OR10J1: variants seen among roughly 807,000 people sequenced by gnomAD.
OR10J1 encodes olfactory receptor 10J1.
For missense variants in OR10J1, 474 were observed against 376.6 expected (o/e 1.26, Z -2.14); for synonymous variants, 202 against 143.8 (o/e 1.40, Z -2.89).
upstream of OR10J1, among the ~76,000 whole-genome samples, chr1:159,437,385 A>G (rs898643028): frequency 6.6e-6 from 1 of 152,262 alleles, no homozygotes. Context: ...GTTCCTGCCT[A>G]TAAGCAAAAG....
At chr1:159,426,839 T>G in the OR10J1 span, among the ~76,000 whole-genome samples, 1 of 152,078 alleles carries the variant, frequency 6.6e-6, no homozygotes, top group Admixed American at 6.5e-5. Flanking sequence ...CAAAGATCTA[T>G]ATACATCATA....
At chr1:159,415,879 T>G in the OR10J1 span, among the ~76,000 whole-genome samples, 1 of 151,984 alleles carries the variant, frequency 6.6e-6, no homozygotes, top group Admixed American at 6.6e-5. Flanking sequence ...TTTATAGTTT[T>G]TCTTGCAAAG....
At chr1:159,432,261 T>G in the OR10J1 span, 1 of 400,956 alleles carries the variant, frequency 2.5e-6, no homozygotes, top group Non-Finnish European at 4.4e-6. Flanking sequence ...TTTCTCCATT[T>G]TTGAGTGGCA....
In OR10J1 at chr1:159,440,815, C is replaced by T; in HGVS notation, c.*94C>T. ...CAAACACTTGGCTCCTAGAGACCTGCCCCTTAAATAAGAGGCAAAAGAGGA... is the reference window on the plus strand; with the variant it reads ...CAAACACTTGGCTCCTAGAGACCTGTCCCTTAAATAAGAGGCAAAAGAGGA... On this transcript the variant is annotated 3_prime_UTR_variant, in exon 1 of 1. Transcript: ENST00000423932. 3 of 1,350,984 alleles carry T rather than the reference C, an allele frequency of 2.2e-6. No homozygotes were observed. The highest frequency in any genetic ancestry group is 1.5e-5 in the South Asian group (1 of 67,278). 83.7% of individuals were successfully genotyped at this position (1,350,984 alleles called of 1,614,324 possible).
At chr1:159,408,255 C>G in the OR10J1 span, among the ~76,000 whole-genome samples, 1 of 151,866 alleles carries the variant, frequency 6.6e-6, no homozygotes. Context: ...GAAAATGTGG[C>G]ACATATACAC....
chr1:159,422,548 G>A, the OR10J1 span, among the ~76,000 whole-genome samples: 2 of 152,134 alleles, frequency 1.3e-5, no homozygotes, highest in Admixed American at 1.3e-4. Flanking sequence ...GAGTAGCAGC[G>A]GTAGGTACAG....
the OR10J1 span, among the ~76,000 whole-genome samples, chr1:159,414,503 TA>T: frequency 3.9e-5 from 6 of 152,322 alleles, no homozygotes; most frequent in Admixed American, 3.3e-4. Flanking sequence ...GATGGCCACT[TA>T]GGTGAATTCC....
At chr1:159,413,064 G>A in the OR10J1 span, among the ~76,000 whole-genome samples, 1 of 152,222 alleles carries the variant, frequency 6.6e-6, no homozygotes, top group African/African-American at 2.4e-5. Context: ...AGACATTTAT[G>A]CAGCCAGAAA....
the OR10J1 span, chr1:159,406,437 A>T: frequency 5.2e-5 from 18 of 343,740 alleles, no homozygotes; most frequent in Non-Finnish European, 1.0e-4. Context: ...TATGTAACAG[A>T]TTACACAGTT....
upstream of OR10J1, among the ~76,000 whole-genome samples, chr1:159,439,115 G>C (rs532416295): frequency 6.6e-6 from 1 of 152,316 alleles, no homozygotes; most frequent in South Asian, 2.1e-4. Context: ...GAAGTGGGGA[G>C]AGGCTGGTGG....
At chr1:159,421,910 G>T in the OR10J1 span, among the ~76,000 whole-genome samples, 2 of 152,150 alleles carry the variant, frequency 1.3e-5, no homozygotes, top group African/African-American at 2.4e-5. Flanking sequence ...GGCAGGGAGG[G>T]TGGGCAGGTT....
chr1:159,417,214 CTT>C, the OR10J1 span, among the ~76,000 whole-genome samples: 1 of 152,106 alleles, frequency 6.6e-6, no homozygotes. Context: ...AAAATTCCCT[CTT>C]AGCACTGCTT....
At chr1:159,409,943 C>G in the OR10J1 span, among the ~76,000 whole-genome samples, 1 of 152,152 alleles carries the variant, frequency 6.6e-6, no homozygotes, top group East Asian at 1.9e-4. Flanking sequence ...TTTTCTGCAT[C>G]TATTGAGATA....
At chr1:159,416,626 A>C in the OR10J1 span, among the ~76,000 whole-genome samples, 1 of 151,672 alleles carries the variant, frequency 6.6e-6, no homozygotes, top group Non-Finnish European at 1.5e-5. Context: ...TTTCTCTTTT[A>C]ATTTTTTTGA....
At chr1:159,437,037 A>T (rs1054298791), upstream of OR10J1, among the ~76,000 whole-genome samples, 2 of 152,250 alleles carry the variant, frequency 1.3e-5, no homozygotes, top group African/African-American at 4.8e-5. Flanking sequence ...ATGGATGCAG[A>T]TAAATAAATA....
At chr1:159,406,093 G>A in the OR10J1 span, 9 of 439,018 alleles carry the variant, frequency 2.1e-5, no homozygotes, top group South Asian at 1.3e-4. Flanking sequence ...ATGACAATAA[G>A]CTAGTGAGGA....
At chr1:159,415,756 T>G in the OR10J1 span, among the ~76,000 whole-genome samples, 1 of 152,064 alleles carries the variant, frequency 6.6e-6, no homozygotes, top group African/African-American at 2.4e-5. Flanking sequence ...TTAATTATTT[T>G]AAGAACATGA....
chr1:159,401,046 T>G, the OR10J1 span, among the ~76,000 whole-genome samples: 1 of 151,848 alleles, frequency 6.6e-6, no homozygotes, highest in South Asian at 2.1e-4. Flanking sequence ...TGAAAACTTC[T>G]TGAAACAAAG....
At chr1:159,398,192 GGCTTAGGGTGACCCCTAAA>G in the OR10J1 span, among the ~76,000 whole-genome samples, 27 of 152,286 alleles carry the variant, frequency 1.8e-4, no homozygotes, top group East Asian at 4.8e-3. Context: ...AGCATTATTG[GGCTTAGGGTGACCCCTAAA>G]GCAGAAACAG....
Sources: allele counts gnomAD v4.1 joint callset (sites outside exome capture counted in the v4.1 genomes callset), GRCh38; gene constraint gnomAD v4.1.1; transcripts MANE v1.5; gene names NCBI Gene and HGNC (gene_info 2026-07-23, HGNC 2026-07-21).